PCP4: variants seen among roughly 807,000 people sequenced by gnomAD.
PCP4 encodes calmodulin regulator protein PCP4.
A neutral mutation model predicts 10.0 loss-of-function variants in PCP4; 8 were observed. The ratio of observed to expected loss-of-function variants is 0.80; its 90% CI spans 0.47 to 1.45. The LOEUF (loss-of-function observed/expected upper bound fraction) is 1.45. PCP4 is among the 40% of genes most tolerant of loss of function. The pLI, the probability that PCP4 is intolerant of heterozygous loss-of-function variation, is 0.00. For missense variants in PCP4, 54 were observed against 74.4 expected (o/e 0.73, Z 1.01); for synonymous variants, 21 against 23.0 (o/e 0.91, Z 0.24).
intron 1 of PCP4, among the ~76,000 whole-genome samples, chr21:39,875,891 A>C (rs2146325614): frequency 6.6e-6 from 1 of 152,180 alleles, no homozygotes; most frequent in Admixed American, 6.5e-5. Flanking sequence ...ATTCCAATAG[A>C]CTTTTTGGTA....
intron 1 of PCP4, among the ~76,000 whole-genome samples, chr21:39,872,480 C>G (rs1351186390): frequency 6.6e-6 from 1 of 152,116 alleles, no homozygotes; most frequent in Non-Finnish European, 1.5e-5. Context: ...TTTAAAATGA[C>G]TTTCTAGAAA....
intron 2 of PCP4, among the ~76,000 whole-genome samples, chr21:39,907,027 C>T (rs1244078859): frequency 1.9e-4 from 29 of 152,238 alleles, no homozygotes; most frequent in East Asian, 1.7e-3. Context: ...AGAAGCAAAA[C>T]CCCACCTAGA....
intron 2 of PCP4, among the ~76,000 whole-genome samples, chr21:39,924,088 C>T (rs1028648808): frequency 1.3e-5 from 2 of 152,186 alleles, no homozygotes; most frequent in African/African-American, 4.8e-5. Flanking sequence ...GGAAAGTGCC[C>T]CCTTCCTCCC....
intron 2 of PCP4, among the ~76,000 whole-genome samples, chr21:39,928,588 G>C (rs2087636004): frequency 6.6e-6 from 1 of 152,170 alleles, no homozygotes; most frequent in South Asian, 2.1e-4. Context: ...TGACTCTGCT[G>C]ACTCAGTAAT....
intron 2 of PCP4, among the ~76,000 whole-genome samples, chr21:39,910,946 G>A (rs1209681426): frequency 6.6e-6 from 1 of 152,192 alleles, no homozygotes; most frequent in Non-Finnish European, 1.5e-5. Context: ...CACCTGCAGT[G>A]AATCATTTTA....
chr21:39,877,814 C>T (rs1179898720), intron 1 of PCP4, among the ~76,000 whole-genome samples: 1 of 152,180 alleles, frequency 6.6e-6, no homozygotes, highest in Non-Finnish European at 1.5e-5. Flanking sequence ...TACCAATCAC[C>T]TTTATGCCTT....
chr21:39,898,618 A>C, intron 2 of PCP4, 91 bp downstream of exon 2: 1 of 947,970 alleles, frequency 1.1e-6, no homozygotes, highest in Non-Finnish European at 1.7e-6. Flanking sequence ...CCCATCCCAA[A>C]CAGCTTACTA....
At chr21:39,905,974 C>T (rs1420235004) in intron 2 of PCP4, among the ~76,000 whole-genome samples, 1 of 152,156 alleles carries the variant, frequency 6.6e-6, no homozygotes, top group Non-Finnish European at 1.5e-5. Context: ...GGCGTGAACC[C>T]AGGAGGCAGA....
intron 2 of PCP4, among the ~76,000 whole-genome samples, chr21:39,903,767 C>G (rs927481912): frequency 1.3e-5 from 2 of 149,884 alleles, no homozygotes; most frequent in Non-Finnish European, 3.0e-5. Context: ...ACTCGGGAGG[C>G]TGAGGCAGGA....
chr21:39,907,845 A>C (rs1276911762), intron 2 of PCP4, among the ~76,000 whole-genome samples: 4 of 152,232 alleles, frequency 2.6e-5, no homozygotes, highest in Admixed American at 2.6e-4. Context: ...GGACTTTCCC[A>C]GCCAAAACTA....
intron 1 of PCP4, among the ~76,000 whole-genome samples, chr21:39,878,964 T>C (rs1244323556): frequency 6.6e-6 from 1 of 152,016 alleles, no homozygotes; most frequent in East Asian, 1.9e-4. Flanking sequence ...TACCTCTTCT[T>C]GAAGAAAATT....
rs1382388749 is a variant in PCP4 at position 39,871,054 on chromosome 21, T to C, written c.9+3544T>C. Among the ~76,000 whole-genome samples the C allele has an allele frequency of 2.6e-5, 4 of 152,218 alleles. No individual in the cohort carries two copies. The East Asian group carries it at 7.7e-4, about 29-fold the overall frequency. On this transcript the variant is annotated intron_variant, in intron 1 of 2. Transcript: ENST00000328619. ...ATCCATGTCGAACTTAATGTATACGTTAAAACGTACAATAATCTCTAAAGG... is the reference window on the plus strand; with the variant it reads ...ATCCATGTCGAACTTAATGTATACGCTAAAACGTACAATAATCTCTAAAGG...
chr21:39,904,128 A>T (rs1015587028), intron 2 of PCP4, among the ~76,000 whole-genome samples: 1 of 152,178 alleles, frequency 6.6e-6, no homozygotes, highest in Non-Finnish European at 1.5e-5. Flanking sequence ...AAGGACTTGC[A>T]TTTATAGGCA....
intron 1 of PCP4, among the ~76,000 whole-genome samples, chr21:39,872,526 G>T (rs2087325443): frequency 6.6e-6 from 1 of 152,080 alleles, no homozygotes; most frequent in Non-Finnish European, 1.5e-5. Context: ...AATTTTAGGG[G>T]ATGCATGCAT....
At chr21:39,904,288 C>T (rs1332704247) in intron 2 of PCP4, among the ~76,000 whole-genome samples, 11 of 152,208 alleles carry the variant, frequency 7.2e-5, no homozygotes, top group Non-Finnish European at 5.9e-5. Context: ...CCCCCTCCCA[C>T]TTGTGTCTGT....
At chr21:39,877,365 G>A (rs554413906) in intron 1 of PCP4, among the ~76,000 whole-genome samples, 2 of 152,094 alleles carry the variant, frequency 1.3e-5, no homozygotes, top group South Asian at 2.1e-4. Flanking sequence ...GCTGAGAAAT[G>A]TTAATAATGC....
At chr21:39,874,854 C>T (rs1043516601) in intron 1 of PCP4, among the ~76,000 whole-genome samples, 1 of 152,120 alleles carries the variant, frequency 6.6e-6, no homozygotes, top group Non-Finnish European at 1.5e-5. Context: ...CCTACACATG[C>T]TATGCTTTTT....
In PCP4 at chr21:39,906,925, C is replaced by T. The variant is rs2087513803; in HGVS notation, c.61+8398C>T. ...AATTACTTTTATGGAAATAGTATTT[C>T]TCACGCGCTTGAAAACACTTTTGCT... On this transcript the variant is annotated intron_variant, in intron 2 of 2. Transcript: ENST00000328619. This position sits in a 1 kb window ranked among gnomAD's most constrained non-coding sequence, Gnocchi z 6.3. Among the ~76,000 whole-genome samples the T allele has an allele frequency of 6.6e-6, 1 of 152,128 alleles. No individual in the cohort carries two copies. The highest frequency in any genetic ancestry group is 6.5e-5 in the Admixed American group (1 of 15,276).
intron 2 of PCP4, among the ~76,000 whole-genome samples, chr21:39,909,011 C>G (rs2087526858): frequency 6.6e-6 from 1 of 152,134 alleles, no homozygotes; most frequent in Non-Finnish European, 1.5e-5. Context: ...CTCTCCTCCC[C>G]CGACACAACC....
Sources: gnomAD v4.1 joint callset for allele counts (sites outside exome capture counted in the v4.1 genomes callset) on GRCh38, gnomAD v4.1.1 for gene constraint, Gnocchi (gnomAD v3.1) non-coding constraint, MANE v1.5 for transcripts, NCBI Gene and HGNC (gene_info 2026-07-23, HGNC 2026-07-21) for gene names.